The following RPS6KA2 variants were observed in gnomAD, a reference collection of about 807,000 sequenced individuals.
RPS6KA2 encodes the protein ribosomal protein S6 kinase alpha-2.
A neutral mutation model predicts 91.8 loss-of-function variants in RPS6KA2; 42 were observed. The observed-to-expected ratio is 0.46, with a 90% CI of 0.36 to 0.59. The LOEUF (loss-of-function observed/expected upper bound fraction) is 0.59, where lower values mean the gene tolerates loss of function less well. Among genes scored for constraint, RPS6KA2 ranks in the 20% least tolerant of loss-of-function variants. The pLI is 0.00. For synonymous variants in RPS6KA2, 414 were observed against 393.6 expected (o/e 1.05, Z -0.61); for missense variants, 798 against 978.5 (o/e 0.82, Z 2.46).
chr6:166,702,084 T>C lies in RPS6KA2; in HGVS notation c.123+156116A>G, dbSNP rs1352366193. ...CAAGCCGCAGAGGTGCCTTCAGGAGTAGAGAGGATAGTAATCGACTTCTCA... is the reference window on the plus strand; with the variant it reads ...CAAGCCGCAGAGGTGCCTTCAGGAGCAGAGAGGATAGTAATCGACTTCTCA... On this transcript the variant is annotated intron_variant, in intron 2 of 21. Coordinates refer to the RPS6KA2 transcript ENST00000503859. 1.1e-5 allele frequency: 15 copies of C among 1,388,848 alleles called. No individual in the cohort carries two copies. In the South Asian group the frequency reaches 1.5e-4, roughly 14 times the overall value. The allele number at this position is 1,388,848 out of a possible 1,614,324, so 86.0% of individuals were successfully genotyped here.
intron 17 of RPS6KA2, among the ~76,000 whole-genome samples, chr6:166,422,296 C>A (rs1778750180): frequency 6.6e-6 from 1 of 152,210 alleles, no homozygotes. Flanking sequence ...CCTGGCTGCA[C>A]ATCCGTTCAC....
chr6:166,483,041 C>A (rs1032500294), intron 10 of RPS6KA2, among the ~76,000 whole-genome samples: 2 of 152,206 alleles, frequency 1.3e-5, no homozygotes, highest in African/African-American at 2.4e-5. Flanking sequence ...TTCTGGAAAA[C>A]CAGATGCAAC....
chr6:166,479,856 T>C (rs4709118), intron 10 of RPS6KA2, among the ~76,000 whole-genome samples: 46,759 of 151,894 alleles, frequency 0.31, 7,439 homozygotes, highest in East Asian at 0.54. Flanking sequence ...AGGATAATTC[T>C]GAACGTTCTG....
rs1562362996 is a variant in RPS6KA2 at position 166,648,058 on chromosome 6, TCACACACATGCA to T, written c.124-109286_124-109275del. 5.9e-5 allele frequency among the ~76,000 whole-genome samples: 8 copies of T among 135,660 alleles called. No individual in the cohort carries two copies. Among genetic ancestry groups the T allele is most frequent in the Non-Finnish European group, 1.3e-4 (8 of 63,370 alleles). 89.0% of individuals were successfully genotyped at this position (135,660 alleles called of 152,430 possible). On this transcript the variant is annotated intron_variant, in intron 2 of 21. Transcript: ENST00000503859. This position sits in a 1 kb window ranked among gnomAD's most constrained non-coding sequence, Gnocchi z 4.8. ...CATGCTCTCACACACATGCACATGCTCACACACATGCACACGCACATGGTCATACACACACGC... is the reference window on the plus strand; with the variant it reads ...CATGCTCTCACACACATGCACATGCTCACGCACATGGTCATACACACACGC...
chr6:166,710,308 T>C (rs942552391), intron 2 of RPS6KA2, among the ~76,000 whole-genome samples: 3 of 152,236 alleles, frequency 2.0e-5, no homozygotes, highest in African/African-American at 4.8e-5. Flanking sequence ...ATCAGTTATA[T>C]TGGACAGATC....
intron 1 of RPS6KA2, among the ~76,000 whole-genome samples, chr6:166,543,699 C>T (rs902820607): frequency 2.0e-5 from 3 of 152,228 alleles, no homozygotes; most frequent in African/African-American, 4.8e-5. Context: ...GTCCTGTCTC[C>T]GGGCTTTATA....
In RPS6KA2 at chr6:166,510,552, CTCATATATATATATAT is replaced by C. The variant is rs1449920397; in HGVS notation, c.299-211_299-196del. On this transcript the variant is annotated intron_variant, in intron 3 of 20. Transcript: ENST00000265678. ...GTTTTAATACATTTGCTTTCTCTCT[CTCATATATATATATAT>C]ATATATATATATATATATATATATA... Among the ~76,000 whole-genome samples the C allele has an allele frequency of 1.0e-3, 68 of 66,522 alleles. 1 individual carries two copies. Among genetic ancestry groups the C allele is most frequent in the Middle Eastern group, 6.6e-3 (1 of 152 alleles). The allele number at this position is 66,522 out of a possible 152,430, so 43.6% of individuals were successfully genotyped here. A position where few individuals can be genotyped will look rare whatever the true frequency, so the allele number is the denominator to read the frequency against.
chr6:166,615,706 C>A (rs746056879), intron 1 of RPS6KA2, among the ~76,000 whole-genome samples: 3 of 152,142 alleles, frequency 2.0e-5, no homozygotes, highest in Admixed American at 6.5e-5. Flanking sequence ...CGATGGTCTC[C>A]GGGACCTCTC....
At chr6:166,786,491 C>CA (rs763436265) in intron 2 of RPS6KA2, among the ~76,000 whole-genome samples, 200 of 134,304 alleles carry the variant, frequency 1.5e-3, no homozygotes, top group East Asian at 2.0e-3. Context: ...ATCACGGATG[C>CA]AAAAAAAAAA....
At chr6:166,676,055 C>T (rs982964685) in intron 2 of RPS6KA2, among the ~76,000 whole-genome samples, 3 of 152,000 alleles carry the variant, frequency 2.0e-5, no homozygotes, top group Non-Finnish European at 4.4e-5. Flanking sequence ...GTGGCTCATA[C>T]CTGTCATCCC....
chr6:166,697,073 G>C (rs1789380894), intron 2 of RPS6KA2, among the ~76,000 whole-genome samples: 2 of 145,276 alleles, frequency 1.4e-5, no homozygotes, highest in Admixed American at 6.7e-5. Flanking sequence ...GTGTGTGTGT[G>C]TGTGTGTATT....
chr6:166,618,650 A>C (rs1786504343), intron 1 of RPS6KA2, among the ~76,000 whole-genome samples: 1 of 152,186 alleles, frequency 6.6e-6, no homozygotes, highest in African/African-American at 2.4e-5. Context: ...ACTACTCTAT[A>C]ACTCCCATGG....
chr6:166,609,922 C>G (rs774740934), intron 1 of RPS6KA2, among the ~76,000 whole-genome samples: 4 of 152,216 alleles, frequency 2.6e-5, no homozygotes, highest in African/African-American at 9.6e-5. Flanking sequence ...TCTCCCTACA[C>G]TTATTTGAAG....
rs906184160 is a variant in RPS6KA2 at position 166,648,239 on chromosome 6, C to T, written c.124-109455G>A. 6.7e-6 allele frequency among the ~76,000 whole-genome samples: 1 copy of T among 149,254 alleles called. No individual in the cohort carries two copies. Among genetic ancestry groups the T allele is most frequent in the East Asian group, 2.0e-4 (1 of 5,018 alleles). On this transcript the variant is annotated intron_variant, in intron 2 of 21. Coordinates refer to the RPS6KA2 transcript ENST00000503859. The surrounding 1 kb of genome is among the most constrained non-coding windows in gnomAD (Gnocchi z 4.8). ...ACACACGCACATGCGCACACACACA[C>T]ATTCACACAGGCACACACACTCATG...
At chr6:166,654,773 T>C (rs1348142442) in intron 2 of RPS6KA2, among the ~76,000 whole-genome samples, 1 of 152,162 alleles carries the variant, frequency 6.6e-6, no homozygotes, top group African/African-American at 2.4e-5. Context: ...GGGTAAAATA[T>C]TTTTAGCTGC....
chr6:166,418,914 G>A lies in RPS6KA2; in HGVS notation c.1821-572C>T, dbSNP rs576492442. Among the ~76,000 whole-genome samples the A allele has an allele frequency of 7.2e-5, 11 of 152,348 alleles. No homozygotes were observed. The highest frequency in any genetic ancestry group is 1.3e-4 in the Admixed American group (2 of 15,302). ...AAGGAAGGACACGTGTGCTGCCAGCGCTTCCTCTAGTGGGAAAGTGTGTGA... is the reference window on the plus strand; with the variant it reads ...AAGGAAGGACACGTGTGCTGCCAGCACTTCCTCTAGTGGGAAAGTGTGTGA... On this transcript the variant is annotated intron_variant, in intron 18 of 20. Coordinates refer to ENST00000265678, the MANE Select transcript of RPS6KA2 (RefSeq NM_021135.6). The surrounding 1 kb of genome is among the most constrained non-coding windows in gnomAD (Gnocchi z 4.9).
chr6:166,647,562 G>T (rs537309846), intron 2 of RPS6KA2, among the ~76,000 whole-genome samples: 1 of 152,298 alleles, frequency 6.6e-6, no homozygotes, highest in South Asian at 2.1e-4. Context: ...ACCACGCAAG[G>T]TTCTACATGC....
In RPS6KA2 at chr6:166,490,755, C is replaced by T; in HGVS notation, c.748-14G>A. 2 of 1,607,476 alleles carry T rather than the reference C, an allele frequency of 1.2e-6. No individual in the cohort carries two copies. Among genetic ancestry groups the T allele is most frequent in the Non-Finnish European group, 1.7e-6 (2 of 1,175,086 alleles). Reference sequence around the variant, plus strand: ...GAGCATCTCAAACTGCAGAGCAACACAGAGCACAGTGAGTTCATTCATCCA... The same window carrying T: ...GAGCATCTCAAACTGCAGAGCAACATAGAGCACAGTGAGTTCATTCATCCA... On this transcript the variant is annotated splice_polypyrimidine_tract_variant and intron_variant, in intron 8 of 20. Coordinates refer to ENST00000265678, the MANE Select transcript of RPS6KA2 (RefSeq NM_021135.6). This position sits in a 1 kb window ranked among gnomAD's most constrained non-coding sequence, Gnocchi z 4.2.
At chr6:166,443,843 T>C (rs994693917) in intron 14 of RPS6KA2, among the ~76,000 whole-genome samples, 2 of 152,204 alleles carry the variant, frequency 1.3e-5, no homozygotes, top group Non-Finnish European at 2.9e-5. Flanking sequence ...CATCCTGACA[T>C]ACCATTTTCT....
Sources: gnomAD v4.1 joint callset for allele counts (sites outside exome capture counted in the v4.1 genomes callset) on GRCh38, gnomAD v4.1.1 for gene constraint, Gnocchi (gnomAD v3.1) non-coding constraint, MANE v1.5 for transcripts, NCBI Gene and HGNC (gene_info 2026-07-23, HGNC 2026-07-21) for gene names.